Variants in PLS1 observed in about 807,000 individuals in gnomAD.
The protein encoded by PLS1 is plastin 1, also known as plastin-1.
A neutral mutation model predicts 73.7 loss-of-function variants in PLS1; 32 were observed. That is an observed-to-expected ratio of 0.43 (90% CI 0.33 to 0.58). The LOEUF (loss-of-function observed/expected upper bound fraction) is 0.58, where lower values mean the gene tolerates loss of function less well. Ranked by LOEUF, PLS1 falls within the 20% of genes least tolerant of loss-of-function variation. The pLI is 0.04. For missense variants in PLS1, 633 were observed against 740.5 expected (o/e 0.85, Z 1.68); for synonymous variants, 217 against 261.3 (o/e 0.83, Z 1.63).
chr3:142,699,979 G>GT (rs539563985), intron 12 of PLS1, among the ~76,000 whole-genome samples: 77 of 152,166 alleles, frequency 5.1e-4, no homozygotes, highest in Admixed American at 1.4e-3. Flanking sequence ...TTTCATGTAA[G>GT]TTTTTTCTCC....
intron 1 of PLS1, among the ~76,000 whole-genome samples, chr3:142,652,448 G>A (rs984398053): frequency 6.6e-6 from 1 of 151,952 alleles, no homozygotes; most frequent in African/African-American, 2.4e-5. Flanking sequence ...ACTAACCTTG[G>A]CTCTACCAAC....
chr3:142,670,530 G>A (rs2107843031), intron 3 of PLS1, among the ~76,000 whole-genome samples: 1 of 152,312 alleles, frequency 6.6e-6, no homozygotes, highest in Admixed American at 6.5e-5. Flanking sequence ...ATTGAATTGA[G>A]TCTTGCCAAT....
chr3:142,615,485 T>C (rs969846858), intron 1 of PLS1, among the ~76,000 whole-genome samples: 3 of 152,150 alleles, frequency 2.0e-5, no homozygotes, highest in African/African-American at 7.2e-5. Flanking sequence ...ATTCAGACTC[T>C]TCTTCCTTTT....
chr3:142,632,933 A>G (rs2036597824), intron 1 of PLS1, among the ~76,000 whole-genome samples: 1 of 152,178 alleles, frequency 6.6e-6, no homozygotes, highest in African/African-American at 2.4e-5. Context: ...TTGCATATCC[A>G]TGTTCATTGC....
intron 1 of PLS1, among the ~76,000 whole-genome samples, chr3:142,631,868 G>A (rs2036572703): frequency 6.6e-6 from 1 of 151,900 alleles, no homozygotes; most frequent in Non-Finnish European, 1.5e-5. Flanking sequence ...ATAGACACAT[G>A]GGACTTCATC....
intron 1 of PLS1, among the ~76,000 whole-genome samples, chr3:142,609,013 C>T (rs1016300395): frequency 6.6e-6 from 1 of 152,094 alleles, no homozygotes; most frequent in Non-Finnish European, 1.5e-5. Context: ...AAATATTTAT[C>T]TTTAAATTGG....
chr3:142,654,908 AT>A (rs1192279797), intron 1 of PLS1: 3 of 152,158 alleles, frequency 2.0e-5, no homozygotes, highest in Non-Finnish European at 4.4e-5. Flanking sequence ...CTGTTGTTTT[AT>A]TTGGCCCTTT....
At chr3:142,628,830 A>G (rs1329430697) in intron 1 of PLS1, among the ~76,000 whole-genome samples, 1 of 152,252 alleles carries the variant, frequency 6.6e-6, no homozygotes, top group Non-Finnish European at 1.5e-5. Context: ...ACAGACAAAC[A>G]AAAAACACTG....
rs753266465 is a variant in PLS1, at chr3:142,683,985, C to CT, written c.580-11dup. 8,682 of 1,286,650 alleles carry CT rather than the reference C, an allele frequency of 6.7e-3. 2 individuals are homozygous for CT. Among genetic ancestry groups the CT allele is most frequent in the South Asian group, 0.012 (797 of 67,886 alleles). 79.7% of individuals were successfully genotyped at this position (1,286,650 alleles called of 1,614,324 possible). ...CTTAGAAAGGACTTCCTCATGTGTA[C>CT]TTTTTTTTTTGGCAATTCAGGAAAA... On this transcript the variant is annotated intron_variant, in intron 6 of 15. Transcript: ENST00000457734.
At chr3:142,629,472 T>A (rs2354860) in intron 1 of PLS1, among the ~76,000 whole-genome samples, 91,739 of 152,054 alleles carry the variant, frequency 0.6, 28,336 homozygotes, top group African/African-American at 0.73. Context: ...AAGTGCTGGG[T>A]TTACAGGCGT....
chr3:142,668,454 T>C (rs2037523587), intron 2 of PLS1, among the ~76,000 whole-genome samples: 3 of 152,176 alleles, frequency 2.0e-5, no homozygotes, highest in Non-Finnish European at 4.4e-5. Flanking sequence ...AAATGAAACG[T>C]AGAACACAAA....
intron 1 of PLS1, chr3:142,645,663 G>C (rs1244793707): frequency 6.6e-6 from 1 of 152,126 alleles, no homozygotes; most frequent in Non-Finnish European, 1.5e-5. Flanking sequence ...TGGTCTTGAG[G>C]CATTCATTCT....
intron 14 of PLS1, among the ~76,000 whole-genome samples, chr3:142,705,029 G>A (rs912846458): frequency 1.3e-5 from 2 of 151,948 alleles, no homozygotes; most frequent in Non-Finnish European, 2.9e-5. Flanking sequence ...TCAGAAACAT[G>A]ATTTATGAGT....
At chr3:142,677,358 G>C (rs551800193) in intron 5 of PLS1, among the ~76,000 whole-genome samples, 6 of 152,066 alleles carry the variant, frequency 3.9e-5, no homozygotes, top group Non-Finnish European at 7.4e-5. Context: ...GAAAATTCAG[G>C]GTGATGACTG....
intron 1 of PLS1, among the ~76,000 whole-genome samples, chr3:142,605,053 A>C (rs1349986736): frequency 6.6e-6 from 1 of 152,164 alleles, no homozygotes; most frequent in Admixed American, 6.5e-5. Flanking sequence ...GATACCTGAA[A>C]CCAGTTGGCC....
intron 4 of PLS1, 81 bp downstream of exon 4, chr3:142,671,203 C>T: frequency 8.2e-7 from 1 of 1,226,046 alleles, no homozygotes; most frequent in Non-Finnish European, 1.2e-6. Context: ...TAAGATGCCA[C>T]TCATTGTGAT....
At chr3:142,637,521 A>G (rs1335804222) in intron 1 of PLS1, among the ~76,000 whole-genome samples, 1 of 152,248 alleles carries the variant, frequency 6.6e-6, no homozygotes, top group African/African-American at 2.4e-5. Flanking sequence ...TGTGCAGCTT[A>G]GCGTATGTCA....
chr3:142,625,185 G>A lies in PLS1; in HGVS notation c.-37+28676G>A, dbSNP rs992053762. Among the ~76,000 whole-genome samples, 4 of 152,202 alleles carry A rather than the reference G, an allele frequency of 2.6e-5. No homozygotes were observed. In the East Asian group the frequency reaches 5.8e-4, roughly 22 times the overall value. On this transcript the variant is annotated intron_variant, in intron 1 of 15. Coordinates refer to ENST00000457734, the MANE Select transcript of PLS1 (RefSeq NM_001145319.2). Reference sequence around the variant, plus strand: ...GAATAGAGCAGTACTTTGGGGTTAGGGATAAACTGCAGAAACAAACCTCTT... The same window carrying A: ...GAATAGAGCAGTACTTTGGGGTTAGAGATAAACTGCAGAAACAAACCTCTT...
At chr3:142,649,499 A>T (rs1204961076) in intron 1 of PLS1, among the ~76,000 whole-genome samples, 1 of 152,002 alleles carries the variant, frequency 6.6e-6, no homozygotes, top group Non-Finnish European at 1.5e-5. Flanking sequence ...TTAGCCAGGC[A>T]TGGTGGCTCA....
Sources: allele counts gnomAD v4.1 joint callset (sites outside exome capture counted in the v4.1 genomes callset), GRCh38; gene constraint gnomAD v4.1.1; transcripts MANE v1.5; gene names NCBI Gene and HGNC (gene_info 2026-07-23, HGNC 2026-07-21).